Variants in TMPRSS9 observed in about 807,000 individuals in gnomAD.
TMPRSS9 encodes the protein transmembrane serine protease 9.
TMPRSS9 carries 113 observed loss-of-function variants against 111.4 expected under a neutral mutation model. That is an observed-to-expected ratio of 1.01 (90% CI 0.87 to 1.19). The LOEUF (loss-of-function observed/expected upper bound fraction) is 1.19, where lower values mean the gene tolerates loss of function less well. Ranked by LOEUF, TMPRSS9 falls within the 50% of genes most tolerant of loss-of-function variation. The pLI, the probability that TMPRSS9 is intolerant of heterozygous loss-of-function variation, is 0.00. For synonymous variants in TMPRSS9, 805 were observed against 659.1 expected, an observed-to-expected ratio of 1.22 and a Z score of -3.39; for missense variants, 1,803 against 1,513.1, an observed-to-expected ratio of 1.19 and a Z score of -3.18.
In TMPRSS9 at chr19:2,408,768, C is replaced by T. The variant is rs1483573166; in HGVS notation, c.1117+138C>T. The T allele has an allele frequency of 4.8e-5, 52 of 1,089,868 alleles. No individual in the cohort carries two copies. In the East Asian group the frequency reaches 7.1e-4, roughly 15 times the overall value. 67.5% of individuals were successfully genotyped at this position (1,089,868 alleles called of 1,614,324 possible). On this transcript the variant is annotated intron_variant, in intron 8 of 17. Coordinates refer to ENST00000648592, the Ensembl canonical transcript of TMPRSS9. ...GAGGCGGGTGGATCACGAGGTCAGG[C>T]GTTTGAGACCAGCCTGGCCAACATA...
At chr19:2,413,428 T>C (rs941541357) in intron 9 of TMPRSS9, among the ~76,000 whole-genome samples, 25 of 152,122 alleles carry the variant, frequency 1.6e-4, no homozygotes, top group Admixed American at 6.6e-5. Flanking sequence ...GAGGGGATGT[T>C]ATTTATTTGG....
chr19:2,388,023 C>A (rs368168494), upstream of TMPRSS9, among the ~76,000 whole-genome samples: 1 of 152,160 alleles, frequency 6.6e-6, no homozygotes, highest in African/African-American at 2.4e-5. Flanking sequence ...TGAACACTAG[C>A]CAACAGGAGT....
At chr19:2,402,707 C>T (rs369585888) in intron 5 of TMPRSS9, among the ~76,000 whole-genome samples, 3 of 152,018 alleles carry the variant, frequency 2.0e-5, no homozygotes, top group African/African-American at 4.8e-5. Context: ...CATTGCACTC[C>T]AGGCTGGGCA....
At chr19:2,376,436 A>ATGT (rs1970335016) in intron 1 of TMPRSS9, among the ~76,000 whole-genome samples, 1 of 151,714 alleles carries the variant, frequency 6.6e-6, no homozygotes, top group African/African-American at 2.4e-5. Flanking sequence ...TTCTGTGGCC[A>ATGT]CAGGACCGAC....
intron 4 of TMPRSS9, 57 bp downstream of exon 5, chr19:2,399,250 G>T: frequency 6.6e-7 from 1 of 1,515,660 alleles, no homozygotes; most frequent in Non-Finnish European, 8.8e-7. Flanking sequence ...TGGGGCAGGA[G>T]CTGCAAGATA....
chr19:2,417,654 CAAAA>C (rs764651167), intron 12 of TMPRSS9, among the ~76,000 whole-genome samples: 10 of 152,048 alleles, frequency 6.6e-5, no homozygotes, highest in Non-Finnish European at 1.3e-4. Flanking sequence ...TCTCAAAAAA[CAAAA>C]AAAGCAAATG....
chr19:2,413,449 G>T (rs921557282), intron 9 of TMPRSS9, among the ~76,000 whole-genome samples: 9 of 152,188 alleles, frequency 5.9e-5, no homozygotes, highest in Non-Finnish European at 1.5e-5. Flanking sequence ...GTCACGTTTT[G>T]GCCTGCCAGA....
intron 1 of TMPRSS9, among the ~76,000 whole-genome samples, chr19:2,377,492 A>C (rs1287215042): frequency 0.025 from 121 of 4,820 alleles, no homozygotes; most frequent in Admixed American, 0.036. Flanking sequence ...TCTCCCCCCC[A>C]CCCCTCTCCC....
intron 1 of TMPRSS9, among the ~76,000 whole-genome samples, chr19:2,390,344 A>G (rs1191191879): frequency 1.3e-4 from 17 of 135,844 alleles, no homozygotes; most frequent in South Asian, 2.4e-4. Flanking sequence ...CCGGGTTCAC[A>G]CCGTTCTCCT....
intron 7 of TMPRSS9, 73 bp from the exon 9 acceptor site, chr19:2,408,283 G>C (rs1438765443): frequency 1.3e-6 from 2 of 1,498,172 alleles, no homozygotes; most frequent in East Asian, 2.3e-5. Flanking sequence ...TTGCACCCAA[G>C]GCGAGTGTCC....
At chr19:2,423,549 G>A (rs899978765) in intron 14 of TMPRSS9, among the ~76,000 whole-genome samples, 2 of 152,154 alleles carry the variant, frequency 1.3e-5, no homozygotes, top group Non-Finnish European at 2.9e-5. Context: ...AGGAAAACAC[G>A]CCTCTGGAGA....
chr19:2,377,271 ATG>A (rs1970343897), intron 1 of TMPRSS9, among the ~76,000 whole-genome samples: 2 of 119,406 alleles, frequency 1.7e-5, no homozygotes, highest in Non-Finnish European at 3.3e-5. Context: ...GTATGTATGT[ATG>A]TATGTATGTA....
chr19:2,366,578 C>G (rs1173960150), intron 1 of TMPRSS9, among the ~76,000 whole-genome samples: 2 of 149,496 alleles, frequency 1.3e-5, no homozygotes, highest in Non-Finnish European at 3.0e-5. Context: ...GGGCCAGGGG[C>G]TGGGTGCGGT....
At chr19:2,422,089 C>T (rs149635897) in exon 14 of TMPRSS9, 2 of 1,607,612 alleles carry the variant, frequency 1.2e-6, no homozygotes, top group African/African-American at 1.3e-5. Context: ...GCTGGCCTCA[C>T]AGTCCCGGGG....
exon 15 of TMPRSS9, chr19:2,424,120 G>A: frequency 7.2e-7 from 1 of 1,381,482 alleles, no homozygotes; most frequent in Non-Finnish European, 9.4e-7. Flanking sequence ...CGCTCACCAG[G>A]ATTGTGGGCG....
intron 1 of TMPRSS9, among the ~76,000 whole-genome samples, chr19:2,375,466 G>A (rs1256329547): frequency 6.7e-6 from 1 of 150,342 alleles, no homozygotes; most frequent in African/African-American, 2.4e-5. Context: ...GTCCAGTGCG[G>A]ACCAATCACT....
rs534406165 is a variant in TMPRSS9 at position 2,425,689 on chromosome 19, C to T, written c.3120+196C>T. ...TATTGGGCAACCCACCGCATCCCAT[C>T]CCCGGGCCTCGGCGGCAGAGCAGGC... On this transcript the variant is annotated intron_variant, in intron 17 of 17. Coordinates refer to ENST00000648592, the Ensembl canonical transcript of TMPRSS9. The T allele has an allele frequency of 1.5e-5, 18 of 1,231,616 alleles. No individual in the cohort carries two copies. In the African/African-American group the frequency reaches 2.4e-4, roughly 16 times the overall value. The allele number at this position is 1,231,616 out of a possible 1,614,324, so 76.3% of individuals were successfully genotyped here.
chr19:2,390,071 CG>C, intron 1 of TMPRSS9, 144 bp downstream of exon 2: 1 of 1,022,346 alleles, frequency 9.8e-7, no homozygotes, highest in Admixed American at 2.4e-5. Context: ...CTAGGCCAGG[CG>C]GGTGGGCGGG....
intron 1 of TMPRSS9, among the ~76,000 whole-genome samples, chr19:2,394,922 A>G (rs1033711211): frequency 1.3e-5 from 2 of 152,092 alleles, no homozygotes; most frequent in African/African-American, 4.8e-5. Context: ...CAGCATAGGA[A>G]TTTTTTATGA....
Sources: gnomAD v4.1 joint callset for allele counts (sites outside exome capture counted in the v4.1 genomes callset) on GRCh38, gnomAD v4.1.1 for gene constraint, MANE v1.5 for transcripts, NCBI Gene and HGNC (gene_info 2026-07-23, HGNC 2026-07-21) for gene names.